The following SV2C variants were observed in gnomAD, a reference collection of about 807,000 sequenced individuals.
SV2C encodes the protein solute carrier family 22 member B3.
Under a neutral mutation model 79.7 loss-of-function variants are expected in SV2C, and 49 were observed. The observed-to-expected ratio is 0.61, with a 90% CI of 0.49 to 0.78. The LOEUF (loss-of-function observed/expected upper bound fraction) is 0.78. Ranked by LOEUF, SV2C falls within the 30% of genes least tolerant of loss-of-function variation. SV2C has a pLI of 0.00. For missense variants in SV2C, 833 were observed against 912.9 expected (o/e 0.91, Z 1.13); for synonymous variants, 334 against 333.2 (o/e 1.00, Z -0.03).
chr5:75,887,545 T>C, the SV2C span, among the ~76,000 whole-genome samples: 2 of 152,202 alleles, frequency 1.3e-5, no homozygotes, highest in African/African-American at 4.8e-5. Context: ...AGGCCTTAAA[T>C]TTCCTCAGGG....
At chr5:75,851,322 A>G in the SV2C span, among the ~76,000 whole-genome samples, 3 of 152,088 alleles carry the variant, frequency 2.0e-5, no homozygotes, top group African/African-American at 7.3e-5. Flanking sequence ...TAGCTGAACT[A>G]TGTTCTGCTA....
the SV2C span, among the ~76,000 whole-genome samples, chr5:75,924,614 C>T: frequency 6.6e-6 from 1 of 152,098 alleles, no homozygotes; most frequent in Non-Finnish European, 1.5e-5. Flanking sequence ...ATTATGGTAT[C>T]TATAACATAC....
At chr5:75,896,002 C>G in the SV2C span, among the ~76,000 whole-genome samples, 1 of 152,104 alleles carries the variant, frequency 6.6e-6, no homozygotes, top group South Asian at 2.1e-4. Flanking sequence ...AATGCACATA[C>G]ATAATTTATG....
upstream of SV2C, chr5:76,078,945 T>C (rs1746931344): frequency 1.1e-5 from 6 of 527,008 alleles, no homozygotes; most frequent in Admixed American, 1.2e-4. Context: ...TTTCAAACAA[T>C]GTAGAAAAAA....
chr5:75,971,562 G>A, the SV2C span, among the ~76,000 whole-genome samples: 17,650 of 151,818 alleles, frequency 0.12, 2,986 homozygotes, highest in African/African-American at 0.37. Context: ...TCATGAGTGA[G>A]CTCCCATTCA....
At chr5:76,297,819 C>T (rs183983263) in intron 9 of SV2C, among the ~76,000 whole-genome samples, 2 of 152,216 alleles carry the variant, frequency 1.3e-5, no homozygotes, top group South Asian at 2.1e-4. Flanking sequence ...ACCTACTTAC[C>T]TAGAAGGATC....
At chr5:75,907,864 T>C in the SV2C span, among the ~76,000 whole-genome samples, 1 of 152,364 alleles carries the variant, frequency 6.6e-6, no homozygotes, top group East Asian at 1.9e-4. Flanking sequence ...AAAAGTGCCC[T>C]GAGGAAGCCT....
chr5:76,180,543 T>C (rs1343781689), intron 2 of SV2C, among the ~76,000 whole-genome samples: 1 of 152,242 alleles, frequency 6.6e-6, no homozygotes, highest in Non-Finnish European at 1.5e-5. Context: ...TGCTGACGCA[T>C]TTGTTCCAGT....
chr5:76,012,632 G>A, the SV2C span, among the ~76,000 whole-genome samples: 1 of 152,058 alleles, frequency 6.6e-6, no homozygotes, highest in African/African-American at 2.4e-5. Flanking sequence ...TGTCAATTTT[G>A]GCTTTTGTTG....
chr5:76,223,486 TATATATATATGTATATG>T (rs1745144409), intron 4 of SV2C, among the ~76,000 whole-genome samples: 1 of 42,582 alleles, frequency 2.3e-5, no homozygotes, highest in Non-Finnish European at 3.9e-5. Flanking sequence ...TATATATATA[TATATATATATGTATATG>T]TATATAAAGA....
In SV2C at chr5:76,203,990, T is replaced by C. The variant is rs546528932; in HGVS notation, c.762-5746T>C. Among the ~76,000 whole-genome samples, 33 of 152,336 alleles carry C rather than the reference T, an allele frequency of 2.2e-4. No individual in the cohort carries two copies. In the South Asian group the frequency reaches 6.2e-3, roughly 29 times the overall value. On this transcript the variant is annotated intron_variant, in intron 3 of 12. Coordinates refer to ENST00000502798, the MANE Select transcript of SV2C (RefSeq NM_014979.4). ...TCACTGATAGCAAACATGTGCCTTC[T>C]GATCTATATAGCAACCTTATTTTCT...
the SV2C span, among the ~76,000 whole-genome samples, chr5:75,882,510 C>T: frequency 3.3e-5 from 5 of 152,008 alleles, no homozygotes; most frequent in Non-Finnish European, 5.9e-5. Context: ...TACTACAAGG[C>T]TACAGTAACC....
At chr5:76,006,997 A>C in the SV2C span, among the ~76,000 whole-genome samples, 3 of 152,078 alleles carry the variant, frequency 2.0e-5, no homozygotes, top group Admixed American at 6.6e-5. Context: ...CTTAATCCTC[A>C]CAACAACTTC....
At chr5:76,201,807 A>G (rs1394107813) in intron 3 of SV2C, among the ~76,000 whole-genome samples, 2 of 152,100 alleles carry the variant, frequency 1.3e-5, no homozygotes, top group African/African-American at 4.8e-5. Context: ...TCACGAGGTC[A>G]GGAGATCGAG....
chr5:76,236,477 A>C (rs1745615574), intron 4 of SV2C, among the ~76,000 whole-genome samples: 2 of 152,154 alleles, frequency 1.3e-5, no homozygotes, highest in South Asian at 4.2e-4. Context: ...TGGGAGCATC[A>C]CTTGAACCCA....
At chr5:75,920,660 C>T in the SV2C span, 1 of 661,818 alleles carries the variant, frequency 1.5e-6, no homozygotes. Context: ...GTGGGAGGAA[C>T]TGCCCTCACT....
the SV2C span, among the ~76,000 whole-genome samples, chr5:75,876,327 C>T: frequency 6.6e-6 from 1 of 152,106 alleles, no homozygotes; most frequent in Non-Finnish European, 1.5e-5. Context: ...AACAGAAAAC[C>T]AACTACTGCA....
chr5:76,007,347 T>G, the SV2C span, among the ~76,000 whole-genome samples: 1 of 152,054 alleles, frequency 6.6e-6, no homozygotes, highest in African/African-American at 2.4e-5. Context: ...CAAACAGACT[T>G]CGCTTGAACA....
the SV2C span, among the ~76,000 whole-genome samples, chr5:75,936,606 T>G: frequency 6.6e-6 from 1 of 152,318 alleles, no homozygotes; most frequent in East Asian, 1.9e-4. Context: ...GATGCGTTAC[T>G]TTGACGAAGC....
Sources: allele counts gnomAD v4.1 joint callset (sites outside exome capture counted in the v4.1 genomes callset), GRCh38; gene constraint gnomAD v4.1.1; transcripts MANE v1.5; gene names NCBI Gene and HGNC (gene_info 2026-07-23, HGNC 2026-07-21).